Variants in WWOX observed in about 807,000 individuals in gnomAD.
WWOX encodes the protein WW domain-containing oxidoreductase.
WWOX carries 69 observed loss-of-function variants against 46.2 expected under a neutral mutation model. That is an observed-to-expected ratio of 1.49 (90% CI 1.23 to 1.82). The LOEUF is 1.82. Ranked by LOEUF, WWOX falls within the 40% of genes most tolerant of loss-of-function variation. WWOX has a pLI of 0.00. For missense variants in WWOX, 919 were observed against 542.6 expected, an observed-to-expected ratio of 1.69 and a Z score of -6.89; for synonymous variants, 359 against 202.6, an observed-to-expected ratio of 1.77 and a Z score of -6.56.
Position 78,261,795 on chromosome 16 carries a change from T to G in WWOX, c.516+97506T>G, listed in dbSNP as rs62034053. 6.1e-3 allele frequency among the ~76,000 whole-genome samples: 388 copies of G among 64,018 alleles called. 4 individuals are homozygous for G. Among genetic ancestry groups the G allele is most frequent in the Middle Eastern group, 0.01 (1 of 100 alleles). 42.0% of individuals were successfully genotyped at this position (64,018 alleles called of 152,430 possible). On this transcript the variant is annotated intron_variant, in intron 5 of 8. Transcript: ENST00000566780. ...ATGTATCTATCTATCTATCTATATA[T>G]ATATATATATATATATATATATACT...
intron 8 of WWOX, chr16:78,825,758 G>C: frequency 1.7e-6 from 1 of 596,818 alleles, no homozygotes; most frequent in South Asian, 1.7e-5. Flanking sequence ...CCCCAGCGGA[G>C]ACCATGTTAA....
intron 5 of WWOX, among the ~76,000 whole-genome samples, chr16:78,334,924 T>TTA (rs1266946737): frequency 2.1e-5 from 3 of 140,532 alleles, no homozygotes; most frequent in African/African-American, 2.6e-5. Context: ...CATCTTTTTT[T>TTA]AAAAAAAAAA....
chr16:78,578,280 A>AT (rs1433554555), intron 8 of WWOX, among the ~76,000 whole-genome samples: 722 of 35,336 alleles, frequency 0.02, 20 homozygotes, highest in East Asian at 0.023. Flanking sequence ...ATATATATAT[A>AT]TATATTTTTT....
intron 8 of WWOX, among the ~76,000 whole-genome samples, chr16:79,088,815 C>T (rs1004641048): frequency 6.6e-6 from 1 of 152,174 alleles, no homozygotes; most frequent in Admixed American, 6.5e-5. Context: ...ATCGTCCACC[C>T]AACGGCAAAG....
At chr16:78,908,748 G>T (rs771626654) in intron 8 of WWOX, among the ~76,000 whole-genome samples, 1 of 152,148 alleles carries the variant, frequency 6.6e-6, no homozygotes, top group African/African-American at 2.4e-5. Flanking sequence ...CACTGAGTCA[G>T]TTCCTGGGTG....
intron 5 of WWOX, among the ~76,000 whole-genome samples, chr16:78,210,880 C>A (rs1029125822): frequency 2.6e-5 from 4 of 152,166 alleles, no homozygotes; most frequent in African/African-American, 7.2e-5. Flanking sequence ...TGTAGTTAAT[C>A]TATCCTACTA....
chr16:78,571,172 G>A (rs949994158), intron 8 of WWOX, among the ~76,000 whole-genome samples: 1 of 152,224 alleles, frequency 6.6e-6, no homozygotes, highest in Non-Finnish European at 1.5e-5. Context: ...GAAAGGGGCA[G>A]TGATGATTCT....
intron 8 of WWOX, among the ~76,000 whole-genome samples, chr16:78,881,275 G>T (rs1049173197): frequency 6.6e-6 from 1 of 152,094 alleles, no homozygotes; most frequent in Non-Finnish European, 1.5e-5. Flanking sequence ...AAGTGCTAGG[G>T]TTACAGGCAT....
At chr16:78,727,079 A>T (rs1020357837) in intron 8 of WWOX, among the ~76,000 whole-genome samples, 1 of 152,178 alleles carries the variant, frequency 6.6e-6, no homozygotes, top group Non-Finnish European at 1.5e-5. Flanking sequence ...TTGGCAGACC[A>T]TGCAGAATGC....
intron 8 of WWOX, among the ~76,000 whole-genome samples, chr16:78,580,589 A>T (rs1386656410): frequency 6.6e-6 from 1 of 152,238 alleles, no homozygotes; most frequent in Non-Finnish European, 1.5e-5. Flanking sequence ...TATCGTAAGC[A>T]CACTTCTCTA....
chr16:78,959,036 T>G (rs139288747), intron 8 of WWOX, among the ~76,000 whole-genome samples: 1 of 152,196 alleles, frequency 6.6e-6, no homozygotes, highest in African/African-American at 2.4e-5. Context: ...ACATTTAATA[T>G]TAAAATAATG....
intron 4 of WWOX, among the ~76,000 whole-genome samples, chr16:78,116,435 AT>A (rs963934205): frequency 1.3e-5 from 2 of 152,266 alleles, no homozygotes; most frequent in Admixed American, 6.5e-5. Context: ...CGAGTGGAGA[AT>A]TTTTTTACTG....
At chr16:78,998,818 A>C (rs570978444) in intron 8 of WWOX, among the ~76,000 whole-genome samples, 2 of 152,342 alleles carry the variant, frequency 1.3e-5, no homozygotes, top group African/African-American at 4.8e-5. Flanking sequence ...GTGCATCTCT[A>C]AATTCTTTCA....
intron 8 of WWOX, among the ~76,000 whole-genome samples, chr16:78,937,234 T>G (rs1447971145): frequency 6.6e-6 from 1 of 152,104 alleles, no homozygotes; most frequent in Non-Finnish European, 1.5e-5. Flanking sequence ...CTTTTAATAG[T>G]ATTTCAAATT....
At chr16:78,915,641 G>A (rs1349634135) in intron 8 of WWOX, among the ~76,000 whole-genome samples, 1 of 152,048 alleles carries the variant, frequency 6.6e-6, no homozygotes, top group Non-Finnish European at 1.5e-5. Flanking sequence ...CATTGACTCA[G>A]AAGATAGTTT....
At chr16:78,747,125 T>C (rs1483190139) in intron 8 of WWOX, among the ~76,000 whole-genome samples, 1 of 152,054 alleles carries the variant, frequency 6.6e-6, no homozygotes, top group Admixed American at 6.6e-5. Flanking sequence ...CTATATCTGC[T>C]TCAAGGCTTT....
intron 8 of WWOX, among the ~76,000 whole-genome samples, chr16:79,180,677 T>G (rs937230584): frequency 6.6e-6 from 1 of 152,194 alleles, no homozygotes; most frequent in African/African-American, 2.4e-5. Flanking sequence ...CTTCTCTCTC[T>G]CTTTCTCCCT....
At chr16:78,481,946 C>G (rs1020382527) in intron 8 of WWOX, among the ~76,000 whole-genome samples, 2 of 152,162 alleles carry the variant, frequency 1.3e-5, no homozygotes, top group South Asian at 4.1e-4. Flanking sequence ...GTAACTTTCT[C>G]ACATCCTTGG....
intron 8 of WWOX, among the ~76,000 whole-genome samples, chr16:78,737,355 C>T (rs1191716614): frequency 2.0e-5 from 3 of 147,574 alleles, no homozygotes; most frequent in South Asian, 2.1e-4. Context: ...AGGCTGGTCT[C>T]GAACTTCTGA....
Sources: gnomAD v4.1 joint callset for allele counts (sites outside exome capture counted in the v4.1 genomes callset) on GRCh38, gnomAD v4.1.1 for gene constraint, MANE v1.5 for transcripts, NCBI Gene and HGNC (gene_info 2026-07-23, HGNC 2026-07-21) for gene names.